Variants in CEP72 observed in about 807,000 individuals in gnomAD.
The protein encoded by CEP72 is centrosomal protein of 72 kDa.
CEP72 carries 78 observed loss-of-function variants against 65.7 expected under a neutral mutation model. That is an observed-to-expected ratio of 1.19 (90% CI 0.99 to 1.43). The LOEUF (loss-of-function observed/expected upper bound fraction) is 1.43, where lower values mean the gene tolerates loss of function less well. Among genes scored for constraint, CEP72 ranks in the 40% most tolerant of loss-of-function variants. The pLI is 0.00. For synonymous variants in CEP72, 358 were observed against 351.7 expected (o/e 1.02, Z -0.20); for missense variants, 914 against 832.9 (o/e 1.10, Z -1.20).
intron 9 of CEP72, chr5:643,650 C>T (rs77037535): frequency 0.024 from 23,340 of 985,334 alleles, 315 homozygotes; most frequent in Non-Finnish European, 0.026. Context: ...CCTGCTGGTG[C>T]CTGAGAGAGC....
chr5:674,467 C>T, the CEP72 span, among the ~76,000 whole-genome samples: 33 of 151,286 alleles, frequency 2.2e-4, no homozygotes, highest in Non-Finnish European at 3.8e-4. Flanking sequence ...CTAAATATAG[C>T]CGACCCAGTT....
downstream of CEP72, among the ~76,000 whole-genome samples, chr5:670,350 C>T (rs1740174317): frequency 6.6e-6 from 1 of 152,330 alleles, no homozygotes; most frequent in East Asian, 1.9e-4. Flanking sequence ...CCTGCAGCTG[C>T]TGTGGCTGGA....
In CEP72 at chr5:647,805, G is replaced by A; in HGVS notation, c.1667G>A (p.Gly556Glu). The change falls in exon 11 of 12, where the codon GGA (glycine) becomes GAA (glutamate). Residue 556 changes from glycine to glutamate, a missense_variant and splice_region_variant. By Grantham distance (98) the Gly-to-Glu change is moderately conservative (BLOSUM62 -2). Transcript: ENST00000264935. Reference protein sequence around the residue: ...TAATLNLQIAGLQTSVKRLCG... With the variant: ...TAATLNLQIAELQTSVKRLCG... ...ACTTTTTTTTTTCTTTCTCTTTCAGGACTTCAAACAAGTGTGAAGAGGCTG... is the reference window on the plus strand; with the variant it reads ...ACTTTTTTTTTTCTTTCTCTTTCAGAACTTCAAACAAGTGTGAAGAGGCTG... 1 of 1,596,538 alleles carries A rather than the reference G, an allele frequency of 6.3e-7. No individual in the cohort carries two copies. The highest frequency in any genetic ancestry group is 8.5e-7 in the Non-Finnish European group (1 of 1,171,660).
At chr5:638,727 T>G (rs899191368) in intron 7 of CEP72, among the ~76,000 whole-genome samples, 1 of 152,078 alleles carries the variant, frequency 6.6e-6, no homozygotes, top group Admixed American at 6.5e-5. Flanking sequence ...AGCCTGACTG[T>G]GGGTGCAGGC....
rs117300934 is a variant in CEP72 at position 643,330 on chromosome 5, C to T, written c.1540-969C>T. 285 of 985,444 alleles carry T rather than the reference C, an allele frequency of 2.9e-4. 3 individuals carry two copies. The East Asian group carries it at 0.017, about 60-fold the overall frequency. 61.0% of individuals were successfully genotyped at this position (985,444 alleles called of 1,614,324 possible). Reference sequence around the variant, plus strand: ...TTTCTGGACGACCCAAAGCCCCGCGCGGAGGGCAGGTCATGCTGGTTGGCG... The same window carrying T: ...TTTCTGGACGACCCAAAGCCCCGCGTGGAGGGCAGGTCATGCTGGTTGGCG... On this transcript the variant is annotated intron_variant, in intron 9 of 11. Transcript: ENST00000264935.
rs557044340 is a variant in CEP72, at chr5:638,169, G to A, written c.1206+351G>A. 1.6e-4 allele frequency among the ~76,000 whole-genome samples: 24 copies of A among 152,342 alleles called. No individual in the cohort carries two copies. The South Asian group carries it at 4.8e-3, about 30-fold the overall frequency. ...CGCTGCTGTTCTGAGTGGAAGCCCC[G>A]TGGTGGAGAGAGGGGACTCTGCCTT... On this transcript the variant is annotated intron_variant, in intron 7 of 11. Transcript: ENST00000264935.
In CEP72 at chr5:639,924, G is replaced by A. The variant is rs4957079; in HGVS notation, c.1343-484G>A. On this transcript the variant is annotated intron_variant, in intron 8 of 11. Coordinates refer to ENST00000264935, the MANE Select transcript of CEP72 (RefSeq NM_018140.4). The stretch of plus-strand genomic sequence containing the variant: ...GCCCCTCAGCTCCTAGAATGAGGAC[G>A]CCCTGCAGTCGCAGCCCACCTGGAC... Among the ~76,000 whole-genome samples, 907 of 152,294 alleles carry A rather than the reference G, an allele frequency of 6.0e-3. 31 individuals are homozygous for A. Among genetic ancestry groups the A allele is most frequent in the Admixed American group, 0.051 (776 of 15,300 alleles).
Position 624,179 on chromosome 5 carries a change from G to A in CEP72, c.404-292G>A, listed in dbSNP as rs566435065. On this transcript the variant is annotated intron_variant, in intron 3 of 11. Transcript: ENST00000264935. The surrounding 1 kb of genome is among the most constrained non-coding windows in gnomAD (Gnocchi z 4.7). ...GAGTGTGACTTGAGAATCCCACCCC[G>A]CACCCGGTGTGCACTTTAGAGAAAG... is the stretch of plus-strand genomic sequence containing the variant. 7.2e-5 allele frequency among the ~76,000 whole-genome samples: 11 copies of A among 152,302 alleles called. No individual in the cohort carries two copies. Among genetic ancestry groups the A allele is most frequent in the South Asian group, 4.1e-4 (2 of 4,832 alleles).
chr5:647,772 T>A, intron 10 of CEP72, 33 bp from the exon 11 acceptor site: 1 of 1,435,836 alleles, frequency 7.0e-7, no homozygotes, highest in Non-Finnish European at 9.7e-7. Flanking sequence ...GTTTTACTCA[T>A]TAATGGTACT....
At chr5:657,744 C>T (rs572366354), downstream of CEP72, among the ~76,000 whole-genome samples, 6 of 152,314 alleles carry the variant, frequency 3.9e-5, no homozygotes, top group South Asian at 2.1e-4. Context: ...GCCAGAGCAG[C>T]GGGAGCTGGT....
intron 11 of CEP72, among the ~76,000 whole-genome samples, chr5:649,461 G>A (rs1437989578): frequency 1.0e-5 from 1 of 95,440 alleles, no homozygotes; most frequent in African/African-American, 4.7e-5. Flanking sequence ...GGACTGTGAG[G>A]TGTGACTGTG....
intron 3 of CEP72, among the ~76,000 whole-genome samples, chr5:622,638 G>A (rs1039162639): frequency 1.3e-5 from 2 of 152,248 alleles, no homozygotes; most frequent in Non-Finnish European, 2.9e-5. Flanking sequence ...TCTTGGCAGC[G>A]AGGAGCGCCT....
chr5:632,024 T>C (rs28376799), intron 4 of CEP72, among the ~76,000 whole-genome samples: 2,085 of 23,378 alleles, frequency 0.089, 472 homozygotes, highest in African/African-American at 0.41. Flanking sequence ...TGTCCAGTGC[T>C]GGGATTTGAC....
the CEP72 span, among the ~76,000 whole-genome samples, chr5:674,178 G>A: frequency 6.6e-6 from 1 of 152,190 alleles, no homozygotes; most frequent in Admixed American, 6.5e-5. Flanking sequence ...CTTTGCCCCG[G>A]GTCTGCTCCT....
rs368904611 is a variant in CEP72 at position 665,335 on chromosome 5, G to A, written n.433+10G>A. 1.7e-4 allele frequency: 269 copies of A among 1,571,996 alleles called. 4 individuals are homozygous for A. The African/African-American group carries it at 1.8e-3, about 11-fold the overall frequency. On this transcript the variant is annotated intron_variant and non_coding_transcript_variant, in intron 3 of 4. Transcript: ENST00000514507. ...AGGAGGAAGGGGGCAGGTGAGTTGCGAGCCAGGTGAGGCCAGCAAGTGAAA... is the reference window on the plus strand; with the variant it reads ...AGGAGGAAGGGGGCAGGTGAGTTGCAAGCCAGGTGAGGCCAGCAAGTGAAA...
At chr5:642,983 G>A in intron 9 of CEP72, 1 of 985,504 alleles carries the variant, frequency 1.0e-6, no homozygotes, top group Non-Finnish European at 1.2e-6. Context: ...CACGGCCTCT[G>A]AGGCAGATGG....
intron 9 of CEP72, 87 bp downstream of exon 9, chr5:640,691 G>T: frequency 6.8e-7 from 1 of 1,479,934 alleles, no homozygotes; most frequent in Non-Finnish European, 8.9e-7. Context: ...GCTCCTTGAT[G>T]CCACACTGTC....
chr5:648,853 A>G (rs1738658171), intron 11 of CEP72, among the ~76,000 whole-genome samples: 1 of 16,028 alleles, frequency 6.2e-5, no homozygotes, highest in East Asian at 2.2e-3. Flanking sequence ...GTGGACTGTG[A>G]GGTGTGACTG....
chr5:654,602 T>C (rs1195988617), downstream of CEP72, among the ~76,000 whole-genome samples: 1 of 152,198 alleles, frequency 6.6e-6, no homozygotes, highest in Non-Finnish European at 1.5e-5. Context: ...AACAGGAAAA[T>C]GTGTCATACC....
Sources: allele counts gnomAD v4.1 joint callset (sites outside exome capture counted in the v4.1 genomes callset), GRCh38; gene constraint gnomAD v4.1.1; non-coding constraint Gnocchi (gnomAD v3.1); transcripts MANE v1.5; gene names NCBI Gene and HGNC (gene_info 2026-07-23, HGNC 2026-07-21).